Variants in SERPINE3 observed in about 807,000 individuals in gnomAD.
SERPINE3 encodes serpin family E member 3.
SERPINE3 carries 43 observed loss-of-function variants against 41.7 expected under a neutral mutation model. That is an observed-to-expected ratio of 1.03 (90% CI 0.81 to 1.33). The LOEUF (loss-of-function observed/expected upper bound fraction) is 1.33, where lower values mean the gene tolerates loss of function less well. SERPINE3 is among the 40% of genes most tolerant of loss of function. SERPINE3 has a pLI of 0.00. For missense variants in SERPINE3, 440 were observed against 491.7 expected, an observed-to-expected ratio of 0.89 and a Z score of 0.99; for synonymous variants, 200 against 192.2, an observed-to-expected ratio of 1.04 and a Z score of -0.34.
chr13:51,360,785 C>A (rs1194894434), intron 7 of SERPINE3, among the ~76,000 whole-genome samples: 4 of 152,000 alleles, frequency 2.6e-5, no homozygotes, highest in African/African-American at 9.7e-5. Flanking sequence ...AAACCTGTGA[C>A]TTTGTCATTT....
At chr13:51,350,716 G>T (rs1298442352) in intron 6 of SERPINE3, among the ~76,000 whole-genome samples, 1 of 152,048 alleles carries the variant, frequency 6.6e-6, no homozygotes, top group East Asian at 1.9e-4. Context: ...TCACAAAGTT[G>T]TGCAACCATC....
intron 4 of SERPINE3, among the ~76,000 whole-genome samples, chr13:51,345,903 C>T (rs531386951): frequency 6.6e-6 from 1 of 152,298 alleles, no homozygotes; most frequent in South Asian, 2.1e-4. Flanking sequence ...GAGTCCAGAG[C>T]CAGGCTGCTT....
At position 51,341,280 on chromosome 13, in the gene SERPINE3, C is replaced by T; in HGVS notation, c.189C>T (p.Ile63=). 6.2e-7 allele frequency: 1 copy of T among 1,613,886 alleles called. No individual in the cohort carries two copies. The highest frequency in any genetic ancestry group is 2.2e-5 in the East Asian group (1 of 44,880). ...SPAGVSLPLE[I]LQFGAEGSTG... Reference sequence around the variant, plus strand: ...CTGGTGTGTCCCTCCCCCTGGAGATCCTGCAGTTTGGAGCAGAAGGGAGCA... The same window carrying T: ...CTGGTGTGTCCCTCCCCCTGGAGATTCTGCAGTTTGGAGCAGAAGGGAGCA... Residue 63 remains isoleucine (I), a synonymous_variant, in exon 3 of 10, where the codon ATC becomes ATT. Coordinates refer to ENST00000681248, the MANE Select transcript of SERPINE3 (RefSeq NM_001386375.1).
chr13:51,341,170 A>T lies in SERPINE3; in HGVS notation c.79A>T (p.Thr27Ser). The change falls in exon 3 of 10, where the codon ACA becomes TCA. Residue 27 changes from threonine to serine, a missense_variant. By Grantham distance (58) the Thr-to-Ser change is moderately conservative. Transcript: ENST00000681248. The part of the protein sequence containing the change: ...RANGHLREGM[T>S]LLKTEFALHL... ...AAATGGCCACCTCCGTGAAGGAATG[A>T]CATTGCTGAAGACTGAGTTTGCACT... 6.2e-7 allele frequency: 1 copy of T among 1,614,008 alleles called. No individual in the cohort carries two copies. Among genetic ancestry groups the T allele is most frequent in the Non-Finnish European group, 8.5e-7 (1 of 1,179,886 alleles).
At position 51,345,004 on chromosome 13, in the gene SERPINE3, G is replaced by C. The variant is rs1021543640; in HGVS notation, c.490+519G>C. ...AACAGCCTCGCTGCCCAGCAATGAG[G>C]TGTGAATCAGTGTAGCACAGCACCT... On this transcript the variant is annotated intron_variant, in intron 4 of 9. Coordinates refer to ENST00000681248, the MANE Select transcript of SERPINE3 (RefSeq NM_001386375.1). Among the ~76,000 whole-genome samples, 8 of 152,216 alleles carry C rather than the reference G, an allele frequency of 5.3e-5. No individual in the cohort carries two copies. In the South Asian group the frequency reaches 8.3e-4, roughly 16 times the overall value.
intron 8 of SERPINE3, chr13:51,361,590 G>A (rs974033817): frequency 1.9e-5 from 11 of 583,096 alleles, no homozygotes; most frequent in Non-Finnish European, 3.3e-5. Flanking sequence ...CCTTCAATAA[G>A]GAATTTATTC....
rs747460238 is a variant in SERPINE3, at chr13:51,348,348, C to T, written c.836C>T (p.Ala279Val). ...AGCCACATCGAGCCACACCTCACAG[C>T]CAGCACCATCCACCTCTGGACCACC... is the stretch of plus-strand genomic sequence containing the variant. ...PLSHIEPHLT[A>V]STIHLWTTSL... The change falls in exon 6 of 10, where the codon GCC becomes GTC. Residue 279 changes from alanine to valine, a missense_variant. By Grantham distance (64) the Ala-to-Val change is moderately conservative. Coordinates refer to ENST00000681248, the MANE Select transcript of SERPINE3 (RefSeq NM_001386375.1). The T allele has an allele frequency of 4.3e-6, 7 of 1,613,968 alleles. No individual in the cohort carries two copies. The highest frequency in any genetic ancestry group is 5.9e-6 in the Non-Finnish European group (7 of 1,179,880).
chr13:51,341,955 G>C (rs1566190704), intron 3 of SERPINE3, among the ~76,000 whole-genome samples: 1 of 152,148 alleles, frequency 6.6e-6, no homozygotes, highest in Non-Finnish European at 1.5e-5. Context: ...GCCAGTGCCA[G>C]ATCTGCCAGC....
chr13:51,348,123 T>A, intron 5 of SERPINE3, 90 bp from the exon 6 acceptor site: 1 of 981,900 alleles, frequency 1.0e-6, no homozygotes, highest in East Asian at 2.6e-5. Flanking sequence ...TTGTTTCCAG[T>A]CCTCTGAGCC....
At chr13:51,355,699 C>T (rs1200257894) in intron 7 of SERPINE3, among the ~76,000 whole-genome samples, 3 of 152,168 alleles carry the variant, frequency 2.0e-5, no homozygotes, top group Non-Finnish European at 4.4e-5. Flanking sequence ...AGTTGAATTG[C>T]TACTACCAAT....
intron 9 of SERPINE3, chr13:51,362,139 T>C: frequency 8.2e-7 from 1 of 1,214,862 alleles, no homozygotes; most frequent in Non-Finnish European, 1.1e-6. Context: ...TAATGTAGAT[T>C]TTTTTTTTTA....
At chr13:51,355,352 G>A (rs1955465142) in intron 7 of SERPINE3, among the ~76,000 whole-genome samples, 1 of 152,136 alleles carries the variant, frequency 6.6e-6, no homozygotes, top group African/African-American at 2.4e-5. Context: ...CCTTAATCAT[G>A]GTTTTCAGAG....
chr13:51,343,476 C>A (rs1210013494), intron 3 of SERPINE3, among the ~76,000 whole-genome samples: 3 of 152,212 alleles, frequency 2.0e-5, no homozygotes, highest in African/African-American at 7.2e-5. Context: ...CACTATTGAT[C>A]ATGGAAAGAA....
At position 51,342,373 on chromosome 13, in the gene SERPINE3, C is replaced by T. The variant is rs533223056; in HGVS notation, c.256+1026C>T. ...TTGTTAATCTGTCTGGGCCTCTGCTCGCTCATATATAAAATGGGGATAATA... is the reference window on the plus strand; with the variant it reads ...TTGTTAATCTGTCTGGGCCTCTGCTTGCTCATATATAAAATGGGGATAATA... On this transcript the variant is annotated intron_variant, in intron 3 of 9. Coordinates refer to ENST00000681248, the MANE Select transcript of SERPINE3 (RefSeq NM_001386375.1). 3.9e-5 allele frequency among the ~76,000 whole-genome samples: 6 copies of T among 152,166 alleles called. No homozygotes were observed. The East Asian group carries it at 5.8e-4, about 15-fold the overall frequency.
intron 6 of SERPINE3, among the ~76,000 whole-genome samples, chr13:51,353,889 A>G (rs1462618730): frequency 6.6e-6 from 1 of 152,110 alleles, no homozygotes; most frequent in South Asian, 2.1e-4. Flanking sequence ...TTTATTTTCA[A>G]AGAAAAATAA....
intron 6 of SERPINE3, chr13:51,354,452 T>C (rs892896560): frequency 6.6e-6 from 1 of 152,114 alleles, no homozygotes; most frequent in Non-Finnish European, 1.5e-5. Flanking sequence ...TTAATTTTTA[T>C]TAAGAAATAC....
intron 6 of SERPINE3, 43 bp from the exon 7 acceptor site, chr13:51,355,000 G>T: frequency 2.0e-6 from 2 of 976,238 alleles, no homozygotes; most frequent in South Asian, 2.8e-5. Context: ...AAAGTATATT[G>T]AGTGAGAATT....
chr13:51,347,259 T>C (rs1207991473), intron 5 of SERPINE3, 25 bp downstream of exon 5: 5 of 1,604,868 alleles, frequency 3.1e-6, no homozygotes, highest in Non-Finnish European at 4.3e-6. Context: ...TGCTGGTTTG[T>C]CTAAAGGGAG....
Position 51,348,265 on chromosome 13 carries a change from C to T in SERPINE3, c.753C>T (p.Tyr251=). 3 of 1,608,942 alleles carry T rather than the reference C, an allele frequency of 1.9e-6. 1 individual carries two copies. Among genetic ancestry groups the T allele is most frequent in the Non-Finnish European group, 2.5e-6 (3 of 1,177,782 alleles). Residue 251 remains tyrosine (Y), a synonymous_variant, in exon 6 of 10, where the codon TAC becomes TAT. Transcript: ENST00000681248. The part of the protein sequence containing the change: ...GHQVGVLELP[Y]LGSAVSLFLV... ...AGGTGGGGGTGCTGGAGCTTCCTTA[C>T]CTGGGAAGTGCAGTGAGTCTGTTCC...
Sources: allele counts gnomAD v4.1 joint callset (sites outside exome capture counted in the v4.1 genomes callset), GRCh38; gene constraint gnomAD v4.1.1; transcripts MANE v1.5; gene names NCBI Gene and HGNC (gene_info 2026-07-23, HGNC 2026-07-21).